Variants in LRP1B observed in about 807,000 individuals in gnomAD.
LRP1B encodes the protein LDL receptor related protein 1B.
Under a neutral mutation model 556.6 loss-of-function variants are expected in LRP1B, and 217 were observed. The observed-to-expected ratio is 0.39, with a 90% confidence interval of 0.35 to 0.44. The LOEUF is 0.44. LRP1B is among the 20% of genes least tolerant of loss of function. The probability of loss-of-function intolerance (pLI) is 1.00; values close to 1 mark genes in which losing one functional copy is unlikely to be tolerated. For synonymous variants in LRP1B, 2,047 were observed against 1,865.8 expected (o/e 1.10, Z -2.50); for missense variants, 5,053 against 5,620.8 (o/e 0.90, Z 3.23).
chr2:141,011,157 A>G (rs1375766240), intron 14 of LRP1B, among the ~76,000 whole-genome samples: 1 of 149,766 alleles, frequency 6.7e-6, no homozygotes, highest in Non-Finnish European at 1.5e-5. Flanking sequence ...GATATGTACT[A>G]CTTAGAGATT....
At chr2:141,585,470 A>AG (rs1687106367) in intron 2 of LRP1B, among the ~76,000 whole-genome samples, 7 of 96,272 alleles carry the variant, frequency 7.3e-5, no homozygotes, top group South Asian at 7.8e-4. Flanking sequence ...TGTGTGTGTG[A>AG]TGGGGTGGGG....
intron 1 of LRP1B, among the ~76,000 whole-genome samples, chr2:141,963,616 G>A (rs1701469535): frequency 6.6e-6 from 1 of 151,728 alleles, no homozygotes; most frequent in East Asian, 2.0e-4. Flanking sequence ...AGCTATCTAT[G>A]ACAAACCCAC....
intron 3 of LRP1B, among the ~76,000 whole-genome samples, chr2:141,382,979 C>T (rs918644414): frequency 6.6e-6 from 1 of 151,976 alleles, no homozygotes; most frequent in Non-Finnish European, 1.5e-5. Context: ...ACCTTGCTTC[C>T]GATAGAGGAT....
chr2:141,166,400 C>T (rs1367798238), intron 7 of LRP1B, among the ~76,000 whole-genome samples: 4 of 138,520 alleles, frequency 2.9e-5, no homozygotes, highest in Non-Finnish European at 6.2e-5. Flanking sequence ...TTAATATTTA[C>T]AGGAGCATAA....
chr2:141,156,901 C>G lies in LRP1B; in HGVS notation c.1013+31520G>C, dbSNP rs75937183. Among the ~76,000 whole-genome samples the G allele has an allele frequency of 3.3e-5, 5 of 152,198 alleles. No homozygotes were observed. The South Asian group carries it at 1.0e-3, about 32-fold the overall frequency. ...TTAATGTTTGCTAGAAAAACCCCAA[C>G]ATTAGTTATAATTTTGGGGTGGTAA... On this transcript the variant is annotated intron_variant, in intron 7 of 90. Transcript: ENST00000389484.
At chr2:140,411,782 A>G (rs1684979095) in intron 66 of LRP1B, among the ~76,000 whole-genome samples, 1 of 152,166 alleles carries the variant, frequency 6.6e-6, no homozygotes, top group South Asian at 2.1e-4. Context: ...TCTAACATGT[A>G]TGAGAAAGTA....
chr2:141,869,089 T>A, intron 1 of LRP1B, among the ~76,000 whole-genome samples: 1 of 152,010 alleles, frequency 6.6e-6, no homozygotes, highest in East Asian at 1.9e-4. Context: ...ATGAAAAAAA[T>A]CATTCAGTGT....
At chr2:141,386,449 T>C (rs1345203083) in intron 3 of LRP1B, among the ~76,000 whole-genome samples, 1 of 152,068 alleles carries the variant, frequency 6.6e-6, no homozygotes, top group African/African-American at 2.4e-5. Flanking sequence ...AAAAGCATGA[T>C]CCAACCTATA....
chr2:141,303,327 A>G (rs538475587), intron 3 of LRP1B, among the ~76,000 whole-genome samples: 50 of 152,234 alleles, frequency 3.3e-4, no homozygotes, highest in Non-Finnish European at 3.5e-4. Context: ...TACACAATAC[A>G]TTGTTGTAAA....
intron 35 of LRP1B, among the ~76,000 whole-genome samples, chr2:140,749,881 T>A (rs887140595): frequency 1.3e-5 from 2 of 152,184 alleles, no homozygotes; most frequent in African/African-American, 4.8e-5. Context: ...TGACTGACAG[T>A]GCAGGTTTGT....
chr2:141,972,409 CT>C (rs1171648224), intron 1 of LRP1B, among the ~76,000 whole-genome samples: 2 of 151,424 alleles, frequency 1.3e-5, no homozygotes, highest in African/African-American at 4.8e-5. Flanking sequence ...ACATACTCTT[CT>C]TTTTTTAATA....
intron 72 of LRP1B, among the ~76,000 whole-genome samples, chr2:140,360,437 A>T (rs1682453053): frequency 1.3e-5 from 2 of 151,552 alleles, no homozygotes; most frequent in Admixed American, 1.3e-4. Context: ...ATTTCCTACT[A>T]CAGCTTCCAT....
intron 7 of LRP1B, among the ~76,000 whole-genome samples, chr2:141,105,539 C>G (rs1700582774): frequency 6.6e-6 from 1 of 152,088 alleles, no homozygotes; most frequent in South Asian, 2.1e-4. Flanking sequence ...ACGGAGAAAG[C>G]TTAACCTGAG....
At chr2:140,989,473 C>A (rs1005680770) in intron 17 of LRP1B, 59 bp downstream of exon 17, 3 of 1,594,628 alleles carry the variant, frequency 1.9e-6, no homozygotes, top group African/African-American at 1.3e-5. Flanking sequence ...CATTTACTTG[C>A]ATTTTTATTA....
intron 25 of LRP1B, among the ~76,000 whole-genome samples, chr2:140,876,186 T>C (rs1254237326): frequency 1.3e-5 from 2 of 152,126 alleles, no homozygotes; most frequent in African/African-American, 4.8e-5. Context: ...TAATAGAAGA[T>C]TGAAGTAATC....
intron 3 of LRP1B, among the ~76,000 whole-genome samples, chr2:141,321,558 T>C (rs552867568): frequency 1.3e-4 from 20 of 152,190 alleles, no homozygotes; most frequent in African/African-American, 4.8e-4. Flanking sequence ...AGTCAACATC[T>C]AGGGCCTTTG....
chr2:140,238,690 G>A (rs1247660665), intron 88 of LRP1B, among the ~76,000 whole-genome samples: 1 of 150,734 alleles, frequency 6.6e-6, no homozygotes, highest in Non-Finnish European at 1.5e-5. Context: ...AAAAGCTCTT[G>A]GTTTTTAAGC....
rs57355742 is a variant in LRP1B at position 141,463,584 on chromosome 2, A to ATGTAT, written c.343+16811_343+16812insATACA. 3.0e-3 allele frequency among the ~76,000 whole-genome samples: 260 copies of ATGTAT among 86,348 alleles called. 2 individuals are homozygous for ATGTAT. Among genetic ancestry groups the ATGTAT allele is most frequent in the African/African-American group, 0.014 (248 of 17,632 alleles). 56.6% of individuals were successfully genotyped at this position (86,348 alleles called of 152,430 possible). ...TATATATTATATATTATATATAATT[A>ATGTAT]TATATAATATATATTATATATTATA... On this transcript the variant is annotated intron_variant, in intron 3 of 90. Coordinates refer to ENST00000389484, the MANE Select transcript of LRP1B (RefSeq NM_018557.3).
At chr2:140,819,154 A>T (rs1691232191) in intron 31 of LRP1B, among the ~76,000 whole-genome samples, 1 of 152,148 alleles carries the variant, frequency 6.6e-6, no homozygotes, top group Admixed American at 6.6e-5. Flanking sequence ...TGTGTCTGAC[A>T]CATGGAAAGC....
Sources: allele counts gnomAD v4.1 joint callset (sites outside exome capture counted in the v4.1 genomes callset), GRCh38; gene constraint gnomAD v4.1.1; transcripts MANE v1.5; gene names NCBI Gene and HGNC (gene_info 2026-07-23, HGNC 2026-07-21).